The following XKR4 variants were observed in gnomAD, a reference collection of about 807,000 sequenced individuals.
XKR4 encodes XK related 4.
Under a neutral mutation model 53.9 loss-of-function variants are expected in XKR4, and 12 were observed. That is an observed-to-expected ratio of 0.22 (90% confidence interval 0.14 to 0.36). The LOEUF is 0.36. Among genes scored for constraint, XKR4 ranks in the 10% least tolerant of loss-of-function variants. The probability of loss-of-function intolerance (pLI) is 1.00; values close to 1 mark genes in which losing one functional copy is unlikely to be tolerated. For synonymous variants in XKR4, 354 were observed against 362.4 expected, an observed-to-expected ratio of 0.98 and a Z score of 0.26; for missense variants, 799 against 859.5, an observed-to-expected ratio of 0.93 and a Z score of 0.88.
intron 2 of XKR4, among the ~76,000 whole-genome samples, chr8:55,504,992 A>G (rs2129403922): frequency 6.6e-6 from 1 of 151,854 alleles, no homozygotes; most frequent in East Asian, 1.9e-4. Context: ...TGATCCTTTT[A>G]AAGAACTAAC....
intron 2 of XKR4, among the ~76,000 whole-genome samples, chr8:55,414,904 A>G (rs1474896656): frequency 6.6e-6 from 1 of 152,090 alleles, no homozygotes; most frequent in African/African-American, 2.4e-5. Context: ...TAGACGCCAC[A>G]TTTTCTACAC....
intron 2 of XKR4, among the ~76,000 whole-genome samples, chr8:55,386,310 C>T (rs912172908): frequency 1.3e-5 from 2 of 152,232 alleles, no homozygotes; most frequent in Admixed American, 1.3e-4. Flanking sequence ...ACACGGGATG[C>T]AGCAAGCCTG....
intron 2 of XKR4, among the ~76,000 whole-genome samples, chr8:55,484,160 A>G (rs1806157938): frequency 6.6e-6 from 1 of 152,216 alleles, no homozygotes; most frequent in Admixed American, 6.5e-5. Flanking sequence ...GAATAGCCCC[A>G]TATCTATGAA....
chr8:55,452,308 C>T (rs187008111), intron 2 of XKR4: 17 of 644,746 alleles, frequency 2.6e-5, no homozygotes, highest in Non-Finnish European at 2.9e-5. Context: ...TTGGTCAGCG[C>T]GGCCACCGGG....
rs1409959985 is a variant in XKR4 at position 55,530,898 on chromosome 8, C to T, written c.*6671C>T. 1 of 151,872 alleles carries T rather than the reference C, an allele frequency of 6.6e-6. No homozygotes were observed. Among genetic ancestry groups the T allele is most frequent in the Non-Finnish European group, 1.5e-5 (1 of 68,002 alleles). The allele number at this position is 151,872 out of a possible 1,614,324, so 9.4% of individuals were successfully genotyped here. A position where few individuals can be genotyped will look rare whatever the true frequency, so the allele number is the denominator to read the frequency against. ...TGAGTCATTTATTCAACAAGTTTGA[C>T]CTCTACAACTCATTTGGCTAGGCAA... On this transcript the variant is annotated 3_prime_UTR_variant, in exon 3 of 3. Transcript: ENST00000327381.
intron 2 of XKR4, among the ~76,000 whole-genome samples, chr8:55,387,159 G>A (rs147085123): frequency 1.3e-5 from 2 of 152,292 alleles, no homozygotes; most frequent in East Asian, 3.9e-4. Flanking sequence ...ACAACACCCT[G>A]TGCATAAAGT....
intron 1 of XKR4, among the ~76,000 whole-genome samples, chr8:55,171,560 T>G (rs1817158355): frequency 6.6e-6 from 1 of 152,208 alleles, no homozygotes; most frequent in Non-Finnish European, 1.5e-5. Flanking sequence ...AGTTGCCTAA[T>G]GGGACTTGGT....
At chr8:55,450,932 C>T in intron 2 of XKR4, 1 of 489,558 alleles carries the variant, frequency 2.0e-6, no homozygotes, top group Non-Finnish European at 3.9e-6. Flanking sequence ...ACTCTGAGTC[C>T]TCCAGCAAGC....
chr8:55,393,831 T>A (rs1804479578), intron 2 of XKR4, among the ~76,000 whole-genome samples: 1 of 152,170 alleles, frequency 6.6e-6, no homozygotes, highest in Admixed American at 6.5e-5. Flanking sequence ...CATAAATGCC[T>A]CCTTTTTCCA....
intron 1 of XKR4, among the ~76,000 whole-genome samples, chr8:55,242,946 A>T (rs4737967): frequency 0.5 from 76,196 of 152,202 alleles, 21,949 homozygotes; most frequent in Non-Finnish European, 0.66. Flanking sequence ...CACCAAAGTC[A>T]TGTTTAATAA....
intron 2 of XKR4, among the ~76,000 whole-genome samples, chr8:55,434,091 G>A (rs1585570671): frequency 6.6e-6 from 1 of 152,028 alleles, no homozygotes; most frequent in African/African-American, 2.4e-5. Context: ...AAGATAAGGT[G>A]CTTCACTCTT....
At chr8:55,179,989 A>C (rs1442187127) in intron 1 of XKR4, among the ~76,000 whole-genome samples, 1 of 152,232 alleles carries the variant, frequency 6.6e-6, no homozygotes, top group Non-Finnish European at 1.5e-5. Flanking sequence ...AGAAGACCTT[A>C]ATTATACTCA....
intron 2 of XKR4, chr8:55,454,876 G>T: frequency 1.3e-6 from 1 of 763,658 alleles, no homozygotes; most frequent in South Asian, 1.4e-5. Context: ...TCCTTAGCGC[G>T]TGTCGTTTCC....
chr8:55,208,633 A>C (rs1053895721), intron 1 of XKR4, among the ~76,000 whole-genome samples: 1 of 151,834 alleles, frequency 6.6e-6, no homozygotes. Flanking sequence ...CACCCAGCTA[A>C]TTTTTGTATT....
intron 1 of XKR4, among the ~76,000 whole-genome samples, chr8:55,187,095 C>T (rs1817388932): frequency 6.6e-6 from 1 of 151,780 alleles, no homozygotes; most frequent in African/African-American, 2.4e-5. Flanking sequence ...GGAACCCTTG[C>T]CTTTCACAGC....
intron 2 of XKR4, among the ~76,000 whole-genome samples, chr8:55,486,547 T>C (rs1806193601): frequency 6.6e-6 from 1 of 152,230 alleles, no homozygotes; most frequent in African/African-American, 2.4e-5. Flanking sequence ...ATGATATATA[T>C]GGCATAGCCA....
chr8:55,363,244 G>T (rs1422100729), intron 2 of XKR4, among the ~76,000 whole-genome samples: 2 of 152,176 alleles, frequency 1.3e-5, no homozygotes, highest in East Asian at 3.8e-4. Flanking sequence ...CACAGGCCAT[G>T]TGCCCAGGAA....
intron 1 of XKR4, among the ~76,000 whole-genome samples, chr8:55,165,343 A>G (rs1295691336): frequency 2.0e-5 from 3 of 151,996 alleles, no homozygotes; most frequent in Non-Finnish European, 4.4e-5. Flanking sequence ...ATTATGCACC[A>G]TTAGTATTCA....
intron 2 of XKR4, among the ~76,000 whole-genome samples, chr8:55,394,263 T>C (rs1407593594): frequency 1.3e-5 from 2 of 152,154 alleles, no homozygotes; most frequent in African/African-American, 2.4e-5. Flanking sequence ...GGCATCTTCA[T>C]TGATGATTCA....
Sources: allele counts gnomAD v4.1 joint callset (sites outside exome capture counted in the v4.1 genomes callset), GRCh38; gene constraint gnomAD v4.1.1; transcripts MANE v1.5; gene names NCBI Gene and HGNC (gene_info 2026-07-23, HGNC 2026-07-21).